Variants in CCNJL observed in about 807,000 individuals in gnomAD.
CCNJL encodes cyclin J like, also known as cyclin-J-like protein.
In CCNJL, 33 loss-of-function variants were observed where a neutral mutation model predicts 33.4. The ratio of observed to expected loss-of-function variants is 0.99; its 90% CI spans 0.75 to 1.32. The LOEUF (loss-of-function observed/expected upper bound fraction) is 1.32. Ranked by LOEUF, CCNJL falls within the 40% of genes most tolerant of loss-of-function variation. The pLI, the probability that CCNJL is intolerant of heterozygous loss-of-function variation, is 0.00. For synonymous variants in CCNJL, 227 were observed against 220.9 expected (o/e 1.03, Z -0.24); for missense variants, 512 against 499.7 (o/e 1.02, Z -0.23).
intron 4 of CCNJL, among the ~76,000 whole-genome samples, chr5:160,256,001 A>G (rs1280694059): frequency 6.6e-6 from 1 of 152,070 alleles, no homozygotes; most frequent in Non-Finnish European, 1.5e-5. Flanking sequence ...AGATCCTACT[A>G]CCTCAGCCTT....
chr5:160,269,975 G>C (rs1410903907), intron 3 of CCNJL, among the ~76,000 whole-genome samples: 2 of 152,180 alleles, frequency 1.3e-5, no homozygotes, highest in East Asian at 3.8e-4. Context: ...GAATTGTTTT[G>C]AGGATTAAAT....
chr5:160,269,737 T>C (rs1394186956), intron 3 of CCNJL, among the ~76,000 whole-genome samples: 1 of 152,204 alleles, frequency 6.6e-6, no homozygotes, highest in East Asian at 1.9e-4. Flanking sequence ...CTCCGCGTTC[T>C]GACCTGAATC....
At position 160,291,516 on chromosome 5, in the gene CCNJL, T is replaced by G. The variant is rs186712063; in HGVS notation, c.67-10778A>C. Among the ~76,000 whole-genome samples, 299 of 152,252 alleles carry G rather than the reference T, an allele frequency of 2.0e-3. 3 individuals are homozygous for G. Among genetic ancestry groups the G allele is most frequent in the African/African-American group, 6.7e-3 (278 of 41,548 alleles). On this transcript the variant is annotated intron_variant, in intron 2 of 5. Transcript: ENST00000257536. ...CACTCCTCCTGCCCTCCTCCCTCTTTGGGGGCAGAGTAACATCCCAGAAAG... is the reference window on the plus strand; with the variant it reads ...CACTCCTCCTGCCCTCCTCCCTCTTGGGGGGCAGAGTAACATCCCAGAAAG...
At chr5:160,319,455 G>A (rs189506103) in intron 1 of CCNJL, among the ~76,000 whole-genome samples, 9 of 152,146 alleles carry the variant, frequency 5.9e-5, no homozygotes, top group Non-Finnish European at 1.2e-4. Context: ...CTGAGAGCAG[G>A]CTTCCCTACT....
chr5:160,264,724 G>T (rs1580957452), intron 3 of CCNJL, among the ~76,000 whole-genome samples: 1 of 151,858 alleles, frequency 6.6e-6, no homozygotes, highest in East Asian at 1.9e-4. Context: ...ATAATTCCTA[G>T]GTCCCCCCTC....
At chr5:160,281,587 C>T (rs1365704169) in intron 2 of CCNJL, among the ~76,000 whole-genome samples, 1 of 152,148 alleles carries the variant, frequency 6.6e-6, no homozygotes, top group African/African-American at 2.4e-5. Context: ...TAATAATGTT[C>T]TTATATGCAG....
intron 1 of CCNJL, 51 bp downstream of exon 1, chr5:160,312,313 C>T (rs995678082): frequency 3.4e-6 from 1 of 295,728 alleles, no homozygotes; most frequent in Admixed American, 5.0e-5. Context: ...CCCCGCCGCC[C>T]AGCCTTTGTC....
chr5:160,266,423 T>C (rs557653813), intron 3 of CCNJL, among the ~76,000 whole-genome samples: 3 of 152,372 alleles, frequency 2.0e-5, no homozygotes, highest in East Asian at 3.9e-4. Flanking sequence ...GCTTTATTTA[T>C]GGCCTTGGAG....
chr5:160,310,763 C>G (rs1434009362), intron 2 of CCNJL, among the ~76,000 whole-genome samples: 1 of 152,112 alleles, frequency 6.6e-6, no homozygotes, highest in Non-Finnish European at 1.5e-5. Context: ...AACAGACAGA[C>G]AGATAGCACC....
chr5:160,322,636 G>A (rs1259992147), intron 1 of CCNJL, among the ~76,000 whole-genome samples: 1 of 152,206 alleles, frequency 6.6e-6, no homozygotes, highest in Non-Finnish European at 1.5e-5. Context: ...GGCTGGGCGC[G>A]GTGGCTCACG....
intron 1 of CCNJL, among the ~76,000 whole-genome samples, chr5:160,334,612 G>A (rs995290449): frequency 6.6e-6 from 1 of 152,228 alleles, no homozygotes; most frequent in African/African-American, 2.4e-5. Context: ...ACACAGCTGG[G>A]TGGAGGAATT....
chr5:160,278,000 C>T (rs1008030399), intron 3 of CCNJL, among the ~76,000 whole-genome samples: 3 of 151,990 alleles, frequency 2.0e-5, no homozygotes, highest in African/African-American at 7.3e-5. Context: ...CTCTGCCTCC[C>T]GGGTTCAAGC....
intron 2 of CCNJL, chr5:160,281,035 C>G: frequency 2.2e-6 from 1 of 456,402 alleles, no homozygotes; most frequent in Non-Finnish European, 4.0e-6. Flanking sequence ...GGAATAAAGG[C>G]ATTGGGGTCA....
rs1762972547 is a variant in CCNJL, at chr5:160,303,018, C to T, written c.66+8840G>A. Among the ~76,000 whole-genome samples, 5 of 152,064 alleles carry T rather than the reference C, an allele frequency of 3.3e-5. No homozygotes were observed. The South Asian group carries it at 8.3e-4, about 25-fold the overall frequency. On this transcript the variant is annotated intron_variant, in intron 2 of 5. Coordinates refer to ENST00000257536, the MANE Select transcript of CCNJL (RefSeq NM_001308173.3). ...CAACGGTGGCAGGAAGCCTTTCCAT[C>T]ATCTACTCTTTTGTATAGCGTGGTT... is the stretch of plus-strand genomic sequence containing the variant.
intron 2 of CCNJL, among the ~76,000 whole-genome samples, chr5:160,290,579 G>A: frequency 6.6e-6 from 1 of 152,042 alleles, no homozygotes; most frequent in Admixed American, 6.6e-5. Context: ...AAAAGTCACT[G>A]CTGAAAAAGG....
chr5:160,260,392 A>G (rs1013480705), intron 3 of CCNJL, among the ~76,000 whole-genome samples: 1 of 152,188 alleles, frequency 6.6e-6, no homozygotes, highest in Non-Finnish European at 1.5e-5. Context: ...CGAGAACAGG[A>G]AAGGGAAGAA....
intron 2 of CCNJL, among the ~76,000 whole-genome samples, chr5:160,301,573 A>G (rs1762923104): frequency 5.9e-5 from 9 of 151,566 alleles, no homozygotes; most frequent in Admixed American, 5.9e-4. Context: ...AGCTGTGACT[A>G]CAGGCATGTG....
chr5:160,254,372 C>A, intron 5 of CCNJL: 1 of 649,122 alleles, frequency 1.5e-6, no homozygotes, highest in Admixed American at 2.6e-5. Flanking sequence ...AAAAAAGCTT[C>A]CCATATAGCT....
At chr5:160,254,409 C>A in intron 5 of CCNJL, 1 of 608,042 alleles carries the variant, frequency 1.6e-6, no homozygotes, top group Non-Finnish European at 2.9e-6. Flanking sequence ...CAATTAGAGG[C>A]TTATGTAAGG....
Sources: gnomAD v4.1 joint callset for allele counts (sites outside exome capture counted in the v4.1 genomes callset) on GRCh38, gnomAD v4.1.1 for gene constraint, MANE v1.5 for transcripts, NCBI Gene and HGNC (gene_info 2026-07-23, HGNC 2026-07-21) for gene names.